CD99: variants seen among roughly 807,000 people sequenced by gnomAD.
CD99 encodes the protein CD99 antigen.
CD99 carries 19 observed loss-of-function variants against 28.4 expected under a neutral mutation model. The observed-to-expected ratio is 0.67, with a 90% CI of 0.47 to 0.98. CD99 has a LOEUF of 0.98. Among genes scored for constraint, CD99 ranks in the 50% least tolerant of loss-of-function variants. CD99 has a pLI of 0.00. For missense variants in CD99, 283 were observed against 248.8 expected (o/e 1.14, Z -0.92); for synonymous variants, 103 against 92.1 (o/e 1.12, Z -0.67).
intron 7 of CD99, among the ~76,000 whole-genome samples, chrX:2,723,960 GGGAA>G (rs2049135076): frequency 1.4e-5 from 2 of 141,136 alleles, no homozygotes; most frequent in African/African-American, 5.6e-5. Context: ...GAAGAAAAAA[GGGAA>G]GGAGGGAAGG....
chrX:2,732,101 G>A (rs1403126885), intron 8 of CD99, among the ~76,000 whole-genome samples: 1 of 152,064 alleles, frequency 6.6e-6, no homozygotes, highest in East Asian at 1.9e-4. Flanking sequence ...ACCAGCCTCC[G>A]TTCCTCCCTT....
At chrX:2,736,701 CA>C (rs1321162150) in intron 8 of CD99, among the ~76,000 whole-genome samples, 2 of 151,590 alleles carry the variant, frequency 1.3e-5, no homozygotes, top group Non-Finnish European at 2.9e-5. Flanking sequence ...ACTAAAAATA[CA>C]AAAAATTAGC....
rs111362396 is a variant in CD99, at chrX:2,723,412, A to C, written c.361+48A>C. 1,330 of 1,600,416 alleles carry C rather than the reference A, an allele frequency of 8.3e-4. 9 individuals are homozygous for C. The African/African-American group carries it at 0.015, about 17-fold the overall frequency. The stretch of plus-strand genomic sequence containing the variant: ...TTCTTGTCTCTCCCACGTGGTGTTG[A>C]GAAGGGGAAGCAGAATGTCTGAGAG... On this transcript the variant is annotated intron_variant, in intron 7 of 9. Transcript: ENST00000381192.
At chrX:2,719,739 A>G (rs1314155481) in intron 4 of CD99, 34 bp downstream of exon 4, 7 of 1,592,006 alleles carry the variant, frequency 4.4e-6, no homozygotes, top group Non-Finnish European at 6.0e-6. Flanking sequence ...TCTGCTGCTG[A>G]TCTGCTTATT....
rs760616226 is a variant in CD99, at chrX:2,695,213, CTT to C, written c.67+3795_67+3796del. On this transcript the variant is annotated intron_variant, in intron 1 of 9. Coordinates refer to ENST00000381192, the MANE Select transcript of CD99 (RefSeq NM_002414.5). Reference sequence around the variant, plus strand: ...TCTCGGGGTGCGAAGGAGGAAAAGTCTTTTTTTTTTGAGATGGAATTTTCCTC... The same window carrying C: ...TCTCGGGGTGCGAAGGAGGAAAAGTCTTTTTTTTGAGATGGAATTTTCCTC... Among the ~76,000 whole-genome samples, 26 of 148,374 alleles carry C rather than the reference CTT, an allele frequency of 1.8e-4. No individual in the cohort carries two copies. The South Asian group carries it at 2.4e-3, about 14-fold the overall frequency.
intron 1 of CD99, among the ~76,000 whole-genome samples, chrX:2,702,351 A>G (rs980628474): frequency 6.6e-6 from 1 of 151,678 alleles, no homozygotes; most frequent in Non-Finnish European, 1.5e-5. Flanking sequence ...ATGCCCCTGT[A>G]TCAGTCCCAT....
chrX:2,717,347 C>CCA, intron 2 of CD99: 1 of 344,726 alleles, frequency 2.9e-6, no homozygotes, highest in Non-Finnish European at 5.2e-6. Context: ...GACTTGGTCT[C>CCA]AAAAAAAAAA....
chrX:2,733,906 G>A (rs1263244690), intron 8 of CD99, among the ~76,000 whole-genome samples: 2 of 152,170 alleles, frequency 1.3e-5, no homozygotes, highest in Admixed American at 6.5e-5. Flanking sequence ...CTCTTTCTGT[G>A]ATCAGTGTTC....
At chrX:2,709,527 A>G (rs1360812557) in intron 1 of CD99, among the ~76,000 whole-genome samples, 3 of 152,238 alleles carry the variant, frequency 2.0e-5, no homozygotes, top group Admixed American at 6.5e-5. Flanking sequence ...ACACGTGTGC[A>G]CACACATGCA....
At chrX:2,727,106 C>A (rs925409589) in intron 8 of CD99, among the ~76,000 whole-genome samples, 1 of 152,214 alleles carries the variant, frequency 6.6e-6, no homozygotes, top group Non-Finnish European at 1.5e-5. Context: ...GACTGCACTC[C>A]AGCCTGGGCG....
intron 8 of CD99, among the ~76,000 whole-genome samples, chrX:2,730,412 TCC>T (rs1329734690): frequency 6.6e-6 from 1 of 152,084 alleles, no homozygotes. Flanking sequence ...GACCTCATGA[TCC>T]ACCTGCCTTG....
At chrX:2,706,676 G>A (rs1309532923) in intron 1 of CD99, among the ~76,000 whole-genome samples, 1 of 152,018 alleles carries the variant, frequency 6.6e-6, no homozygotes, top group South Asian at 2.1e-4. Context: ...GGAGATGAAC[G>A]GCATTATTGA....
At chrX:2,723,422 G>A in intron 7 of CD99, 58 bp downstream of exon 7, 2 of 1,586,278 alleles carry the variant, frequency 1.3e-6, no homozygotes, top group Non-Finnish European at 1.7e-6. Flanking sequence ...AGAAGGGGAA[G>A]CAGAATGTCT....
chrX:2,715,507 C>G (rs1323013093), intron 2 of CD99: 2 of 152,254 alleles, frequency 1.3e-5, no homozygotes, highest in Admixed American at 6.6e-5. Context: ...GTCTCCTTTT[C>G]TTTGTCTTAC....
chrX:2,702,780 C>A (rs925586724), intron 1 of CD99, among the ~76,000 whole-genome samples: 2 of 147,756 alleles, frequency 1.4e-5, no homozygotes, highest in African/African-American at 5.0e-5. Context: ...AAAAATTGAA[C>A]TTTTTTTTTT....
intron 1 of CD99, among the ~76,000 whole-genome samples, chrX:2,711,405 G>A (rs1283001559): frequency 7.9e-6 from 1 of 126,454 alleles, no homozygotes; most frequent in Non-Finnish European, 1.6e-5. Flanking sequence ...TATAGTATGT[G>A]TGTGTATTAT....
chrX:2,731,968 C>T (rs778953938), intron 8 of CD99, among the ~76,000 whole-genome samples: 31 of 128,458 alleles, frequency 2.4e-4, no homozygotes, highest in African/African-American at 8.6e-4. Context: ...CTACAAAAAA[C>T]GTAAAAAAAA....
intron 8 of CD99, among the ~76,000 whole-genome samples, chrX:2,735,392 A>G (rs2049882289): frequency 1.3e-5 from 2 of 152,136 alleles, no homozygotes. Flanking sequence ...CAGGAAGGGT[A>G]TGTGGGTAGG....
intron 1 of CD99, among the ~76,000 whole-genome samples, chrX:2,710,723 A>G (rs1169905023): frequency 6.6e-6 from 1 of 152,038 alleles, no homozygotes; most frequent in Non-Finnish European, 1.5e-5. Context: ...AGTCACGTCT[A>G]CCGCTGAGGC....
Sources: gnomAD v4.1 joint callset for allele counts (sites outside exome capture counted in the v4.1 genomes callset) on GRCh38, gnomAD v4.1.1 for gene constraint, MANE v1.5 for transcripts, NCBI Gene and HGNC (gene_info 2026-07-23, HGNC 2026-07-21) for gene names.